NOS1AP: variants seen among roughly 807,000 people sequenced by gnomAD.
NOS1AP encodes carboxyl-terminal PDZ ligand of neuronal nitric oxide synthase protein.
NOS1AP carries 21 observed loss-of-function variants against 56.2 expected under a neutral mutation model. The ratio of observed to expected loss-of-function variants is 0.37; its 90% CI spans 0.26 to 0.54. The LOEUF is 0.54. Ranked by LOEUF, NOS1AP falls within the 20% of genes least tolerant of loss-of-function variation. The pLI is 0.84. For missense variants in NOS1AP, 522 were observed against 657.8 expected (o/e 0.79, Z 2.26); for synonymous variants, 270 against 274.6 (o/e 0.98, Z 0.17).
intron 2 of NOS1AP, among the ~76,000 whole-genome samples, chr1:162,195,066 A>G (rs1173832691): frequency 1.3e-5 from 2 of 152,160 alleles, no homozygotes; most frequent in Non-Finnish European, 2.9e-5. Context: ...GAAGCCGCTT[A>G]GCAGTTCTGT....
chr1:162,132,971 T>A (rs1477568040), intron 1 of NOS1AP, among the ~76,000 whole-genome samples: 2 of 152,222 alleles, frequency 1.3e-5, no homozygotes, highest in African/African-American at 4.8e-5. Context: ...TTTTCTTTTG[T>A]GATCTCTTTT....
At chr1:162,211,701 CTGTT>C (rs1449729030) in intron 2 of NOS1AP, among the ~76,000 whole-genome samples, 1 of 151,988 alleles carries the variant, frequency 6.6e-6, no homozygotes, top group Admixed American at 6.6e-5. Context: ...TTTTTCTTGA[CTGTT>C]TGAGACCCTG....
intron 2 of NOS1AP, among the ~76,000 whole-genome samples, chr1:162,221,534 G>GCA (rs35920520): frequency 0.12 from 8,842 of 73,234 alleles, 311 homozygotes; most frequent in Middle Eastern, 0.19. Context: ...ACACACGCGC[G>GCA]CACACACACA....
At chr1:162,274,182 G>A (rs985743036) in intron 2 of NOS1AP, among the ~76,000 whole-genome samples, 5 of 152,176 alleles carry the variant, frequency 3.3e-5, no homozygotes, top group East Asian at 1.9e-4. Flanking sequence ...TCAGCAATGC[G>A]TGAGAAGTCC....
chr1:162,153,411 G>A (rs1456978707), intron 1 of NOS1AP, among the ~76,000 whole-genome samples: 4 of 152,126 alleles, frequency 2.6e-5, no homozygotes, highest in Non-Finnish European at 5.9e-5. Context: ...TTACAGGCAT[G>A]AGCCACAGTG....
chr1:162,113,391 G>A (rs1336562066), intron 1 of NOS1AP, among the ~76,000 whole-genome samples: 1 of 152,156 alleles, frequency 6.6e-6, no homozygotes, highest in Non-Finnish European at 1.5e-5. Context: ...GTGTTGTCGG[G>A]CAAAGGCTGC....
At chr1:162,083,836 G>A (rs543725736) in intron 1 of NOS1AP, among the ~76,000 whole-genome samples, 1 of 152,310 alleles carries the variant, frequency 6.6e-6, no homozygotes, top group Non-Finnish European at 1.5e-5. Flanking sequence ...CATAGGGCCT[G>A]AGTGTCTTTA....
intron 7 of NOS1AP, among the ~76,000 whole-genome samples, chr1:162,356,039 A>G (rs1231245659): frequency 1.3e-5 from 2 of 152,232 alleles, no homozygotes; most frequent in Non-Finnish European, 2.9e-5. Context: ...CAGGCGGTTT[A>G]TATCAGGGCA....
chr1:162,315,133 A>C (rs1347801139), intron 4 of NOS1AP, among the ~76,000 whole-genome samples: 1 of 152,104 alleles, frequency 6.6e-6, no homozygotes, highest in Non-Finnish European at 1.5e-5. Flanking sequence ...GGATGATGGG[A>C]ATGTTGGCCT....
At chr1:162,286,203 A>C (rs1655084915) in intron 2 of NOS1AP, among the ~76,000 whole-genome samples, 1 of 152,192 alleles carries the variant, frequency 6.6e-6, no homozygotes, top group Non-Finnish European at 1.5e-5. Flanking sequence ...GGATGGATTA[A>C]GTTCATGCCT....
intron 1 of NOS1AP, among the ~76,000 whole-genome samples, chr1:162,148,564 C>T (rs966569750): frequency 7.9e-5 from 12 of 151,108 alleles, no homozygotes; most frequent in Admixed American, 2.6e-4. Flanking sequence ...TGAGAAGATA[C>T]GGTGTGATTG....
intron 1 of NOS1AP, among the ~76,000 whole-genome samples, chr1:162,151,416 T>G (rs985119731): frequency 1.3e-5 from 2 of 152,224 alleles, no homozygotes; most frequent in African/African-American, 4.8e-5. Context: ...TTACATGTTT[T>G]GTTCTATAGC....
intron 4 of NOS1AP, among the ~76,000 whole-genome samples, chr1:162,311,005 A>G (rs1329044445): frequency 6.6e-6 from 1 of 151,688 alleles, no homozygotes; most frequent in Non-Finnish European, 1.5e-5. Flanking sequence ...AAATATGTTC[A>G]GCTCTCTCCT....
chr1:162,287,959 G>T (rs910211829), intron 3 of NOS1AP, among the ~76,000 whole-genome samples: 2 of 152,152 alleles, frequency 1.3e-5, no homozygotes, highest in South Asian at 4.1e-4. Context: ...CTGCTGCTCC[G>T]TGTGCAGGGA....
At chr1:162,300,483 G>T in intron 3 of NOS1AP, 150 bp from the exon 4 acceptor site, 1 of 715,044 alleles carries the variant, frequency 1.4e-6, no homozygotes. Flanking sequence ...TTGATATTTT[G>T]CACTCGTCGT....
intron 2 of NOS1AP, among the ~76,000 whole-genome samples, chr1:162,175,049 A>G (rs1458946957): frequency 6.6e-6 from 1 of 152,218 alleles, no homozygotes; most frequent in Non-Finnish European, 1.5e-5. Context: ...TGAAGGGTAC[A>G]TACTATCATT....
intron 2 of NOS1AP, among the ~76,000 whole-genome samples, chr1:162,239,956 A>C (rs1342568525): frequency 6.6e-6 from 1 of 152,196 alleles, no homozygotes; most frequent in Non-Finnish European, 1.5e-5. Context: ...ACAGATGTAG[A>C]GGGAAGGTGA....
At chr1:162,258,781 C>T (rs1228845865) in intron 2 of NOS1AP, among the ~76,000 whole-genome samples, 5 of 152,258 alleles carry the variant, frequency 3.3e-5, no homozygotes, top group African/African-American at 1.2e-4. Context: ...ACCAGTCTAA[C>T]ACTGGGATAA....
chr1:162,139,678 C>T (rs1440331121), intron 1 of NOS1AP, among the ~76,000 whole-genome samples: 1 of 152,176 alleles, frequency 6.6e-6, no homozygotes. Flanking sequence ...AATCTTTCGC[C>T]ACAAAACAAT....
Sources: gnomAD v4.1 joint callset for allele counts (sites outside exome capture counted in the v4.1 genomes callset) on GRCh38, gnomAD v4.1.1 for gene constraint, MANE v1.5 for transcripts, NCBI Gene and HGNC (gene_info 2026-07-23, HGNC 2026-07-21) for gene names.